The following DRC2 variants were observed in gnomAD, a reference collection of about 807,000 sequenced individuals.
DRC2 encodes dynein regulatory complex subunit 2.
At chr12:48,920,111 T>TTA in the DRC2 span, among the ~76,000 whole-genome samples, 3 of 32,080 alleles carry the variant, frequency 9.4e-5, no homozygotes, top group Middle Eastern at 0.028. Context: ...AGACCCTGTC[T>TTA]AAAAAAAAAA....
the DRC2 span, chr12:48,904,950 A>G: frequency 6.3e-7 from 1 of 1,598,110 alleles, no homozygotes; most frequent in South Asian, 1.1e-5. Context: ...ACACAGGACA[A>G]GCTGGCCAAG....
chr12:48,918,211 G>A, the DRC2 span: 1 of 1,490,726 alleles, frequency 6.7e-7, no homozygotes, highest in Non-Finnish European at 9.3e-7. Context: ...GGGATTGCTG[G>A]TAGAAGTGAA....
chr12:48,905,173 C>A, the DRC2 span: 1 of 1,399,882 alleles, frequency 7.1e-7, no homozygotes, highest in South Asian at 1.5e-5. Flanking sequence ...ATAGAATGAG[C>A]CTAGTGAATC....
the DRC2 span, chr12:48,904,465 G>C: frequency 6.2e-7 from 1 of 1,613,942 alleles, no homozygotes; most frequent in African/African-American, 1.3e-5. Flanking sequence ...GCCAGTTCTT[G>C]AAGGTGATGG....
chr12:48,914,520 G>A, the DRC2 span: 3 of 1,614,170 alleles, frequency 1.9e-6, no homozygotes, highest in Non-Finnish European at 2.5e-6. Flanking sequence ...GTCTCCTGGA[G>A]GAAAGTTACA....
chr12:48,915,661 G>A, the DRC2 span, among the ~76,000 whole-genome samples: 4 of 151,864 alleles, frequency 2.6e-5, no homozygotes, highest in African/African-American at 9.7e-5. Context: ...CCGGGCAGAG[G>A]GGCTCCTCAC....
chr12:48,917,199 C>G, the DRC2 span: 5 of 1,485,076 alleles, frequency 3.4e-6, no homozygotes, highest in Non-Finnish European at 4.6e-6. Context: ...ACCTGTAATC[C>G]CAGCACCTTG....
At chr12:48,910,182 A>G in the DRC2 span, among the ~76,000 whole-genome samples, 1 of 152,268 alleles carries the variant, frequency 6.6e-6, no homozygotes, top group South Asian at 2.1e-4. Context: ...AGTCCTTTAT[A>G]TCTCATTGTC....
chr12:48,915,600 C>A, the DRC2 span, among the ~76,000 whole-genome samples: 2 of 151,708 alleles, frequency 1.3e-5, no homozygotes, highest in Admixed American at 6.6e-5. Context: ...CATTGTCATC[C>A]TGGCCCGTTC....
chr12:48,905,052 A>G, the DRC2 span: 2 of 1,614,062 alleles, frequency 1.2e-6, no homozygotes, highest in Non-Finnish European at 1.7e-6. Context: ...CTTCATAAGG[A>G]CATTGAGATC....
chr12:48,916,492 C>G, the DRC2 span, among the ~76,000 whole-genome samples: 21 of 152,210 alleles, frequency 1.4e-4, no homozygotes, highest in East Asian at 2.1e-3. Context: ...CGCAGGCACT[C>G]GGCAGGCTGA....
At chr12:48,908,687 G>GC in the DRC2 span, among the ~76,000 whole-genome samples, 30 of 151,548 alleles carry the variant, frequency 2.0e-4, no homozygotes, top group African/African-American at 6.8e-4. Context: ...TGCAACCTCT[G>GC]CCCCCCGGGT....
chr12:48,920,709 T>TG, the DRC2 span, among the ~76,000 whole-genome samples: 1 of 151,706 alleles, frequency 6.6e-6, no homozygotes, highest in Non-Finnish European at 1.5e-5. Context: ...TTTGTAGAGA[T>TG]GGGGTCTTTC....
chr12:48,914,154 G>C, the DRC2 span, among the ~76,000 whole-genome samples: 1 of 151,616 alleles, frequency 6.6e-6, no homozygotes, highest in African/African-American at 2.4e-5. Flanking sequence ...GCCCAGGCTA[G>C]TCTTGAGCTC....
the DRC2 span, among the ~76,000 whole-genome samples, chr12:48,907,059 C>A: frequency 6.6e-6 from 1 of 150,964 alleles, no homozygotes; most frequent in Non-Finnish European, 1.5e-5. Flanking sequence ...ACTAAAAATA[C>A]AAAAAATTAG....
At chr12:48,912,916 T>A in the DRC2 span, among the ~76,000 whole-genome samples, 1 of 151,760 alleles carries the variant, frequency 6.6e-6, no homozygotes, top group Non-Finnish European at 1.5e-5. Context: ...GCCAGGTGGA[T>A]CACAAGGTCA....
At chr12:48,920,548 G>C in the DRC2 span, among the ~76,000 whole-genome samples, 10 of 146,798 alleles carry the variant, frequency 6.8e-5, no homozygotes, top group Non-Finnish European at 1.2e-4. Flanking sequence ...TTGAGACAGG[G>C]TCTCGCTCAG....
At chr12:48,921,512 T>C in the DRC2 span, 2 of 1,489,214 alleles carry the variant, frequency 1.3e-6, no homozygotes, top group Admixed American at 2.4e-5. Context: ...TTTCAACTCC[T>C]AGAGATTTTT....
At chr12:48,917,100 A>C in the DRC2 span, 2 of 1,613,926 alleles carry the variant, frequency 1.2e-6, no homozygotes, top group African/African-American at 1.3e-5. Flanking sequence ...GAATGATCTC[A>C]AAAACATGGT....
Sources: gnomAD v4.1 joint callset for allele counts (sites outside exome capture counted in the v4.1 genomes callset) on GRCh38, gnomAD v4.1.1 for gene constraint, MANE v1.5 for transcripts, NCBI Gene and HGNC (gene_info 2026-07-23, HGNC 2026-07-21) for gene names.